Variants in CES5A observed in about 807,000 individuals in gnomAD.
The protein encoded by CES5A is carboxylesterase 5A, also known as carboxylesterase 5.
CES5A carries 67 observed loss-of-function variants against 62.9 expected under a neutral mutation model. The observed-to-expected ratio is 1.07, with a 90% CI of 0.88 to 1.31. CES5A has a LOEUF of 1.31. Ranked by LOEUF, CES5A falls within the 50% of genes most tolerant of loss-of-function variation. The pLI is 0.00. For missense variants in CES5A, 748 were observed against 708.5 expected (o/e 1.06, Z -0.63); for synonymous variants, 296 against 280.8 (o/e 1.05, Z -0.54).
intron 4 of CES5A, 44 bp from the exon 5 acceptor site, chr16:55,866,160 G>GC: frequency 6.3e-7 from 1 of 1,581,614 alleles, no homozygotes; most frequent in Admixed American, 1.8e-5. Context: ...CAGCCATGGT[G>GC]TGTTTCCCAC....
intron 1 of CES5A, among the ~76,000 whole-genome samples, chr16:55,901,091 G>T (rs752273747): frequency 6.6e-6 from 1 of 152,122 alleles, no homozygotes; most frequent in African/African-American, 2.4e-5. Context: ...CATGGGAGGG[G>T]CCTGGGGGAA....
Position 55,869,701 on chromosome 16 carries a change from G to C in CES5A, c.461C>G (p.Ala154Gly), listed in dbSNP as rs550582032. ...CAGGGCGGACCCATCAAAGATGGAG[G>C]CTGAGCCAGTCTTGAAGGCACCTCC... is the stretch of plus-strand genomic sequence containing the variant. ...FPGGAFKTGSASIFDGSALAA... is the reference protein window; with the variant it reads ...FPGGAFKTGSGSIFDGSALAA... Residue 154 changes from alanine (A) to glycine (G), a missense_variant, in exon 4 of 13, where the codon GCC (alanine) becomes GGC (glycine). Ala to Gly is a moderately conservative substitution (Grantham distance 60). Coordinates refer to ENST00000290567, the MANE Select transcript of CES5A (RefSeq NM_001143685.2). 2.9e-5 allele frequency: 46 copies of C among 1,610,588 alleles called. No individual in the cohort carries two copies. The highest frequency in any genetic ancestry group is 2.8e-4 in the African/African-American group (21 of 74,974).
chr16:55,869,580 T>A lies in CES5A; in HGVS notation c.551+31A>T, dbSNP rs183860763. ...CTACTGCACTGCTGCCCTTTGGGGATCTGGGATGTCCATCATTTGGAGAGA... is the reference window on the plus strand; with the variant it reads ...CTACTGCACTGCTGCCCTTTGGGGAACTGGGATGTCCATCATTTGGAGAGA... On this transcript the variant is annotated intron_variant, in intron 4 of 12. Coordinates refer to ENST00000290567, the MANE Select transcript of CES5A (RefSeq NM_001143685.2). The A allele has an allele frequency of 2.0e-4, 316 of 1,609,726 alleles. 1 individual carries two copies. In the African/African-American group the frequency reaches 4.1e-3, roughly 21 times the overall value.
intron 1 of CES5A, among the ~76,000 whole-genome samples, chr16:55,890,496 A>G (rs1290826802): frequency 2.6e-5 from 4 of 152,192 alleles, no homozygotes; most frequent in Non-Finnish European, 1.5e-5. Flanking sequence ...GAGAATAAAA[A>G]AGTAGGGAAT....
At chr16:55,879,108 C>CTGCACCCCACCACTGCACCCCACCAT, upstream of CES5A, among the ~76,000 whole-genome samples, 1 of 149,130 alleles carries the variant, frequency 6.7e-6, no homozygotes, top group Non-Finnish European at 1.5e-5. Context: ...TACCCTACCA[C>CTGCACCCCACCACTGCACCCCACCAT]TGCACCCCAC....
upstream of CES5A, among the ~76,000 whole-genome samples, chr16:55,877,351 G>A (rs540687880): frequency 1.9e-4 from 29 of 152,262 alleles, no homozygotes; most frequent in South Asian, 4.4e-3. Context: ...ATTAACCAGA[G>A]AGGCGAAGAA....
chr16:55,903,349 T>C (rs771522030), intron 1 of CES5A, among the ~76,000 whole-genome samples: 2 of 152,220 alleles, frequency 1.3e-5, no homozygotes, highest in Non-Finnish European at 2.9e-5. Context: ...CAAACAATAT[T>C]TGTTTTTAAC....
chr16:55,874,195 C>T (rs1174733516), intron 1 of CES5A, among the ~76,000 whole-genome samples, 158 bp from the exon 2 acceptor site: 4 of 152,214 alleles, frequency 2.6e-5, no homozygotes, highest in African/African-American at 4.8e-5. Flanking sequence ...AGTTCCATGG[C>T]TTTTTCCAAG....
At chr16:55,954,045 G>A (rs539545646) in intron 1 of CES5A, among the ~76,000 whole-genome samples, 3 of 152,106 alleles carry the variant, frequency 2.0e-5, no homozygotes, top group Non-Finnish European at 4.4e-5. Context: ...CCTGCTCCCC[G>A]CTGCCCAAGC....
At chr16:55,894,555 G>A (rs116205284) in intron 1 of CES5A, among the ~76,000 whole-genome samples, 1,928 of 150,842 alleles carry the variant, frequency 0.013, 46 homozygotes, top group African/African-American at 0.044. Context: ...TGTTTTTAGA[G>A]GATGTGGGTG....
intron 7 of CES5A, among the ~76,000 whole-genome samples, chr16:55,860,115 G>T (rs1441572703): frequency 6.6e-6 from 1 of 152,024 alleles, no homozygotes; most frequent in African/African-American, 2.4e-5. Flanking sequence ...AATCTCATGA[G>T]ATCTGATGGT....
Position 55,884,433 on chromosome 16 carries a change from C to T in CES5A, c.-255-10396G>A, listed in dbSNP as rs2033793180. Among the ~76,000 whole-genome samples, 8 of 152,350 alleles carry T rather than the reference C, an allele frequency of 5.3e-5. No individual in the cohort carries two copies. The South Asian group carries it at 1.4e-3, about 28-fold the overall frequency. On this transcript the variant is annotated intron_variant, in intron 1 of 12. Coordinates refer to the CES5A transcript ENST00000518005. The stretch of plus-strand genomic sequence containing the variant: ...TGATCATTAAAGTAATTGCAGCCTC[C>T]TGCCTTCTGGCACTTAAGTGCCACT...
chr16:55,935,703 T>A (rs1389758505), intron 2 of CES5A, among the ~76,000 whole-genome samples: 2 of 152,330 alleles, frequency 1.3e-5, no homozygotes, highest in Non-Finnish European at 2.9e-5. Flanking sequence ...CAACCTCAGA[T>A]TCTCTCTGGG....
chr16:55,898,701 G>A (rs1327810190), intron 1 of CES5A, among the ~76,000 whole-genome samples: 1 of 152,214 alleles, frequency 6.6e-6, no homozygotes, highest in African/African-American at 2.4e-5. Context: ...GGAGGCATAT[G>A]GGGCCCAGGG....
upstream of CES5A, among the ~76,000 whole-genome samples, chr16:55,878,184 C>A (rs2033718157): frequency 6.6e-6 from 1 of 152,072 alleles, no homozygotes; most frequent in African/African-American, 2.4e-5. Flanking sequence ...CTTTAAGCAG[C>A]TTGGCTTAAA....
chr16:55,871,935 ACAAG>A, intron 2 of CES5A, 172 bp from the exon 3 acceptor site: 1 of 610,992 alleles, frequency 1.6e-6, no homozygotes, highest in African/African-American at 1.8e-5. Flanking sequence ...TCCAAAACAA[ACAAG>A]CAAGCAAATT....
intron 1 of CES5A, among the ~76,000 whole-genome samples, chr16:55,952,169 T>C (rs1165207499): frequency 6.6e-6 from 1 of 152,186 alleles, no homozygotes; most frequent in Non-Finnish European, 1.5e-5. Context: ...CTGAGCATGC[T>C]AAATACTTTG....
In CES5A at chr16:55,846,813, A is replaced by C. The variant is rs1362089940; in HGVS notation, c.1451T>G (p.Leu484Arg). The C allele has an allele frequency of 3.1e-6, 5 of 1,614,176 alleles. No individual in the cohort carries two copies. Among genetic ancestry groups the C allele is most frequent in the Admixed American group, 3.3e-5 (2 of 60,028 alleles). Residue 484 changes from leucine to arginine, a missense_variant, in exon 12 of 13, where the codon CTG becomes CGG. Physicochemically the swap from Leu to Arg is moderately radical, Grantham distance 102 (BLOSUM62 -2). Coordinates refer to ENST00000290567, the MANE Select transcript of CES5A (RefSeq NM_001143685.2). Reference protein sequence around the residue: ...FEGATEEEKLLSRKMMKYWAT... With the variant: ...FEGATEEEKLRSRKMMKYWAT... ...CCAGTATTTCATCATCTTCCGGCTC[A>C]GTAACTTCTCCTCCTCCGTGGCTCC...
upstream of CES5A, among the ~76,000 whole-genome samples, chr16:55,877,157 C>T (rs149661723): frequency 2.0e-5 from 3 of 152,306 alleles, no homozygotes; most frequent in Non-Finnish European, 4.4e-5. Context: ...CCCTCCCACT[C>T]ATGTGGTCCT....
Sources: allele counts gnomAD v4.1 joint callset (sites outside exome capture counted in the v4.1 genomes callset), GRCh38; gene constraint gnomAD v4.1.1; transcripts MANE v1.5; gene names NCBI Gene and HGNC (gene_info 2026-07-23, HGNC 2026-07-21).